FGR: variants seen among roughly 807,000 people sequenced by gnomAD.
FGR encodes the protein FGR proto-oncogene, Src family tyrosine kinase.
Under a neutral mutation model 63.2 loss-of-function variants are expected in FGR, and 26 were observed. The observed-to-expected ratio is 0.41, with a 90% CI of 0.30 to 0.57. The LOEUF (loss-of-function observed/expected upper bound fraction) is 0.57, where lower values mean the gene tolerates loss of function less well. FGR is among the 20% of genes least tolerant of loss of function. The probability of loss-of-function intolerance (pLI) is 0.27; values close to 1 mark genes in which losing one functional copy is unlikely to be tolerated. For missense variants in FGR, 511 were observed against 690.8 expected (o/e 0.74, Z 2.92); for synonymous variants, 286 against 277.7 (o/e 1.03, Z -0.30).
Position 27,613,353 on chromosome 1 carries a change from G to T in FGR, c.1250-3C>A. 6.2e-7 allele frequency: 1 copy of T among 1,613,690 alleles called. No individual in the cohort carries two copies. On this transcript the variant is annotated splice_polypyrimidine_tract_variant and splice_region_variant and intron_variant, in intron 11 of 12. Transcript: ENST00000374005. ...CCACTTGATGGGGAACTTGGAACCT[G>T]GAGAAGATGGGGGAGCAGGGAAAGT...
chr1:27,622,894 C>G (rs2089956827), intron 4 of FGR, 148 bp downstream of exon 4: 2 of 631,132 alleles, frequency 3.2e-6, no homozygotes, highest in Middle Eastern at 8.4e-4. Flanking sequence ...AACCAGCACA[C>G]AGTTGCAGTC....
At chr1:27,629,503 G>C (rs1465694989) in intron 1 of FGR, among the ~76,000 whole-genome samples, 6 of 152,140 alleles carry the variant, frequency 3.9e-5, no homozygotes, top group Admixed American at 3.9e-4. Flanking sequence ...AAGAGAAAGA[G>C]AGAGAGAGAG....
chr1:27,621,496 G>A (rs2089924575), intron 5 of FGR, 63 bp downstream of exon 5: 1 of 1,147,296 alleles, frequency 8.7e-7, no homozygotes, highest in East Asian at 2.4e-5. Flanking sequence ...CCAAGAGGTG[G>A]CCTTGGAGTC....
chr1:27,633,716 T>C (rs561247906), intron 1 of FGR, among the ~76,000 whole-genome samples: 12 of 152,212 alleles, frequency 7.9e-5, no homozygotes, highest in Non-Finnish European at 1.3e-4. Context: ...TCCAGCCTTC[T>C]GGCTAACTAT....
chr1:27,633,815 G>A (rs927653641), intron 1 of FGR, among the ~76,000 whole-genome samples: 4 of 152,156 alleles, frequency 2.6e-5, no homozygotes, highest in African/African-American at 7.2e-5. Context: ...GGGGAGGCTC[G>A]CTGAGTCAGG....
chr1:27,620,991 C>CAAAAAAAAAAAAAAAAAAAAAAAAA (rs59265327), intron 5 of FGR, among the ~76,000 whole-genome samples: 1 of 22,036 alleles, frequency 4.5e-5, no homozygotes, highest in African/African-American at 1.1e-4. Flanking sequence ...GACCCTGTCT[C>CAAAAAAAAAAAAAAAAAAAAAAAAA]AAAAAAAAAA....
rs556092239 is a variant in FGR, at chr1:27,616,579, C to T, written c.682+278G>A. On this transcript the variant is annotated intron_variant, in intron 7 of 12. Coordinates refer to ENST00000374005, the MANE Select transcript of FGR (RefSeq NM_005248.3). This position sits in a 1 kb window ranked among gnomAD's most constrained non-coding sequence, Gnocchi z 4.3. ...CTGGTGCCTTGGTGGGGCATTCAGGCGGCACAAACACTCCATCAAGTTTCC... is the reference window on the plus strand; with the variant it reads ...CTGGTGCCTTGGTGGGGCATTCAGGTGGCACAAACACTCCATCAAGTTTCC... 2.6e-5 allele frequency among the ~76,000 whole-genome samples: 4 copies of T among 152,316 alleles called. No individual in the cohort carries two copies. The highest frequency in any genetic ancestry group is 4.1e-4 in the South Asian group (2 of 4,824).
At chr1:27,630,761 C>T (rs1571408445) in intron 1 of FGR, among the ~76,000 whole-genome samples, 2 of 152,286 alleles carry the variant, frequency 1.3e-5, no homozygotes, top group East Asian at 1.9e-4. Flanking sequence ...ATAAATATGT[C>T]TCTTGAACAT....
At chr1:27,613,382 TG>T (rs763992444) in intron 11 of FGR, 32 bp from the exon 12 acceptor site, 127 of 1,609,506 alleles carry the variant, frequency 7.9e-5, no homozygotes, top group Non-Finnish European at 1.0e-4. Context: ...GGAAAGTTAG[TG>T]AGGGGGTCCC....
At chr1:27,619,009 TGTTTCCTGAA>T (rs1378009759) in intron 5 of FGR, among the ~76,000 whole-genome samples, 1 of 152,024 alleles carries the variant, frequency 6.6e-6, no homozygotes, top group Non-Finnish European at 1.5e-5. Flanking sequence ...CGCCCTCTCT[TGTTTCCTGAA>T]GCTTCTCCGC....
rs1379447543 is a variant in FGR, at chr1:27,617,472, G to A, written c.429-176C>T. ...AGAGAAGGGGAGTGTAAAATGCCTG[G>A]CACACAGTAGGTGCCCTGCAAAGGT... On this transcript the variant is annotated intron_variant, in intron 5 of 12. Transcript: ENST00000374005. This position sits in a 1 kb window ranked among gnomAD's most constrained non-coding sequence, Gnocchi z 4.5. 1.3e-5 allele frequency among the ~76,000 whole-genome samples: 2 copies of A among 152,144 alleles called. No individual in the cohort carries two copies. Among genetic ancestry groups the A allele is most frequent in the African/African-American group, 2.4e-5 (1 of 41,424 alleles).
At chr1:27,613,519 A>G (rs2089737174) in intron 11 of FGR, among the ~76,000 whole-genome samples, 169 bp from the exon 12 acceptor site, 1 of 152,096 alleles carries the variant, frequency 6.6e-6, no homozygotes, top group Non-Finnish European at 1.5e-5. Flanking sequence ...CCTGGCCAAC[A>G]TGGCGAAACC....
intron 1 of FGR, among the ~76,000 whole-genome samples, chr1:27,628,720 G>A (rs896336634): frequency 6.6e-6 from 1 of 152,188 alleles, no homozygotes; most frequent in Non-Finnish European, 1.5e-5. Flanking sequence ...CAGATGGAGG[G>A]GATCCCTGAA....
chr1:27,632,990 A>G (rs543165103), intron 1 of FGR, among the ~76,000 whole-genome samples: 1 of 152,312 alleles, frequency 6.6e-6, no homozygotes, highest in South Asian at 2.1e-4. Context: ...CATCAGCCCC[A>G]GGTGGCTGCA....
chr1:27,621,861 G>C (rs1418978048), intron 4 of FGR, among the ~76,000 whole-genome samples: 1 of 152,176 alleles, frequency 6.6e-6, no homozygotes, highest in African/African-American at 2.4e-5. Flanking sequence ...GAATAAGCTC[G>C]GGGGCACTTA....
chr1:27,623,826 C>G lies in FGR; in HGVS notation c.91G>C (p.Ala31Pro). The G allele has an allele frequency of 1.2e-6, 2 of 1,614,228 alleles. No homozygotes were observed. The highest frequency in any genetic ancestry group is 1.7e-6 in the Non-Finnish European group (2 of 1,180,030). The change falls in exon 3 of 13, where the codon GCA (alanine) becomes CCA (proline). Residue 31 changes from alanine (A) to proline (P), a missense_variant. Ala to Pro is a conservative substitution (Grantham distance 27, BLOSUM62 -1). Transcript: ENST00000374005. ...LEGDFRSYGA[A>P]DHYGPDPTKA... Reference sequence around the variant, plus strand: ...GTGGGGTCAGGCCCATAGTGGTCTGCTGCCCCGTAGCTTCTGAAGTCCCCT... The same window carrying G: ...GTGGGGTCAGGCCCATAGTGGTCTGGTGCCCCGTAGCTTCTGAAGTCCCCT...
intron 4 of FGR, 57 bp downstream of exon 4, chr1:27,622,985 G>C: frequency 7.9e-7 from 1 of 1,269,636 alleles, no homozygotes; most frequent in South Asian, 1.2e-5. Context: ...TGGGATTCCT[G>C]TCTGTGTCCT....
Position 27,615,055 on chromosome 1 carries a change from T to G in FGR, c.1019-129A>C, listed in dbSNP as rs1310857007. The G allele has an allele frequency of 4.6e-6, 3 of 656,368 alleles. No homozygotes were observed. Among genetic ancestry groups the G allele is most frequent in the Non-Finnish European group, 7.8e-6 (3 of 383,390 alleles). 40.7% of individuals were successfully genotyped at this position (656,368 alleles called of 1,614,324 possible). On this transcript the variant is annotated intron_variant, in intron 9 of 12. Transcript: ENST00000374005. The surrounding 1 kb of genome is among the most constrained non-coding windows in gnomAD (Gnocchi z 7.6). ...CCTCACTTAGGACCCCGCGGGTGCC[T>G]CAACCCCTCACTTGTCTCGTCCTGG... is the stretch of plus-strand genomic sequence containing the variant.
At position 27,617,310 on chromosome 1, in the gene FGR, C is replaced by T; in HGVS notation, c.429-14G>A. 6.3e-7 allele frequency: 1 copy of T among 1,597,708 alleles called. No homozygotes were observed. Among genetic ancestry groups the T allele is most frequent in the Non-Finnish European group, 8.6e-7 (1 of 1,165,306 alleles). ...CCAAAGTACCACCTGTTGGGAAAGG[C>T]AGGCAAGAGTCAGGTACGCTCTGCT... is the stretch of plus-strand genomic sequence containing the variant. On this transcript the variant is annotated splice_polypyrimidine_tract_variant and intron_variant, in intron 5 of 12. Transcript: ENST00000374005. This position sits in a 1 kb window ranked among gnomAD's most constrained non-coding sequence, Gnocchi z 4.5.
Sources: gnomAD v4.1 joint callset for allele counts (sites outside exome capture counted in the v4.1 genomes callset) on GRCh38, gnomAD v4.1.1 for gene constraint, Gnocchi (gnomAD v3.1) non-coding constraint, MANE v1.5 for transcripts, NCBI Gene and HGNC (gene_info 2026-07-23, HGNC 2026-07-21) for gene names.